CNTNAP2: variants seen among roughly 807,000 people sequenced by gnomAD.
CNTNAP2 encodes the protein contactin associated protein 2, also known as contactin-associated protein-like 2.
A neutral mutation model predicts 155.2 loss-of-function variants in CNTNAP2; 98 were observed. The observed-to-expected ratio is 0.63, with a 90% confidence interval of 0.54 to 0.75. The LOEUF (loss-of-function observed/expected upper bound fraction) is 0.75. CNTNAP2 is among the 30% of genes least tolerant of loss of function. The pLI is 0.00. For synonymous variants in CNTNAP2, 651 were observed against 631.2 expected, an observed-to-expected ratio of 1.03 and a Z score of -0.47; for missense variants, 1,727 against 1,688.1, an observed-to-expected ratio of 1.02 and a Z score of -0.40.
At chr7:146,289,925 C>A (rs1439495571) in intron 1 of CNTNAP2, among the ~76,000 whole-genome samples, 4 of 152,078 alleles carry the variant, frequency 2.6e-5, no homozygotes, top group African/African-American at 9.7e-5. Flanking sequence ...GCTAATACGA[C>A]CACTTTTCTC....
At chr7:146,525,911 A>G (rs1797685529) in intron 1 of CNTNAP2, among the ~76,000 whole-genome samples, 1 of 152,162 alleles carries the variant, frequency 6.6e-6, no homozygotes, top group African/African-American at 2.4e-5. Flanking sequence ...CCCATGCTGT[A>G]TCTGCTTATG....
chr7:147,912,611 A>G (rs1449752542), intron 14 of CNTNAP2, among the ~76,000 whole-genome samples: 2 of 152,050 alleles, frequency 1.3e-5, no homozygotes, highest in Non-Finnish European at 1.5e-5. Context: ...TGAAATAGCC[A>G]CTCTTCAAAT....
intron 13 of CNTNAP2, among the ~76,000 whole-genome samples, chr7:147,646,589 T>C (rs1795367871): frequency 6.6e-6 from 1 of 151,576 alleles, no homozygotes; most frequent in Admixed American, 6.6e-5. Flanking sequence ...ATGTACCAAT[T>C]TTTTTTTTCC....
At chr7:148,228,123 T>C (rs925139390) in intron 19 of CNTNAP2, among the ~76,000 whole-genome samples, 15 of 152,168 alleles carry the variant, frequency 9.9e-5, no homozygotes, top group Non-Finnish European at 2.2e-4. Context: ...TGACAAATAA[T>C]CCATTAGGTG....
chr7:147,290,662 G>A (rs1263830856), intron 8 of CNTNAP2, among the ~76,000 whole-genome samples: 2 of 126,762 alleles, frequency 1.6e-5, no homozygotes, highest in African/African-American at 6.1e-5. Context: ...CAGCCTCAGT[G>A]ACAGAGTGAG....
intron 1 of CNTNAP2, among the ~76,000 whole-genome samples, chr7:146,728,595 C>A: frequency 7.1e-6 from 1 of 141,154 alleles, no homozygotes. Flanking sequence ...ATTTAATATA[C>A]ACAATTTTTA....
At chr7:147,528,571 A>C (rs552098461) in intron 11 of CNTNAP2, among the ~76,000 whole-genome samples, 4 of 152,318 alleles carry the variant, frequency 2.6e-5, no homozygotes, top group East Asian at 3.9e-4. Context: ...ATGTGTGCTC[A>C]CACACAGACT....
rs1333130575 is a variant in CNTNAP2 at position 146,948,070 on chromosome 7, G to A, written c.403-95837G>A. Among the ~76,000 whole-genome samples the A allele has an allele frequency of 3.3e-5, 5 of 151,968 alleles. No individual in the cohort carries two copies. In the East Asian group the frequency reaches 9.6e-4, roughly 29 times the overall value. On this transcript the variant is annotated intron_variant, in intron 3 of 23. Transcript: ENST00000361727. ...GTGTATTTTGTCAAATGAGCAAAAG[G>A]TACATTTGAATGAAGGTATTCATAT...
At chr7:146,244,873 C>T (rs1047874915) in intron 1 of CNTNAP2, among the ~76,000 whole-genome samples, 13 of 152,064 alleles carry the variant, frequency 8.5e-5, no homozygotes, top group African/African-American at 1.2e-4. Context: ...TTATCTGACT[C>T]GGGGCATGTT....
chr7:146,845,895 G>A (rs10500165), intron 3 of CNTNAP2, among the ~76,000 whole-genome samples: 5,425 of 152,224 alleles, frequency 0.036, 124 homozygotes, highest in Middle Eastern at 0.068. Flanking sequence ...TGTCCAATGA[G>A]CCATTTAAGG....
chr7:148,160,468 G>A (rs978220702), intron 17 of CNTNAP2, among the ~76,000 whole-genome samples: 2 of 151,272 alleles, frequency 1.3e-5, no homozygotes, highest in Admixed American at 1.3e-4. Flanking sequence ...TAGCCTTCTT[G>A]TTGTTGCTAA....
intron 15 of CNTNAP2, among the ~76,000 whole-genome samples, chr7:148,044,965 G>A (rs1316080708): frequency 1.3e-5 from 2 of 152,112 alleles, no homozygotes; most frequent in African/African-American, 4.8e-5. Context: ...GTGCTGAGAT[G>A]ACAGGCGGGA....
chr7:146,727,227 C>T (rs969218132), intron 1 of CNTNAP2, among the ~76,000 whole-genome samples: 3 of 152,038 alleles, frequency 2.0e-5, no homozygotes, highest in Non-Finnish European at 4.4e-5. Context: ...TACACAGTGT[C>T]CTTTGCATTG....
At chr7:146,690,210 C>A (rs1009126730) in intron 1 of CNTNAP2, among the ~76,000 whole-genome samples, 2 of 152,104 alleles carry the variant, frequency 1.3e-5, no homozygotes, top group Non-Finnish European at 2.9e-5. Context: ...CCACAGCGTA[C>A]TAACCATAAT....
At chr7:146,375,623 G>A (rs1795293857) in intron 1 of CNTNAP2, among the ~76,000 whole-genome samples, 1 of 152,128 alleles carries the variant, frequency 6.6e-6, no homozygotes, top group Non-Finnish European at 1.5e-5. Context: ...GTTTCTTATG[G>A]CAAATTTTGT....
intron 1 of CNTNAP2, among the ~76,000 whole-genome samples, chr7:146,118,231 T>A (rs1453455709): frequency 6.6e-6 from 1 of 152,192 alleles, no homozygotes; most frequent in Non-Finnish European, 1.5e-5. Context: ...GTATTAGCTT[T>A]TCTTTTCCCA....
chr7:147,967,750 T>A (rs1016244767), intron 14 of CNTNAP2, among the ~76,000 whole-genome samples: 1 of 152,224 alleles, frequency 6.6e-6, no homozygotes, highest in Non-Finnish European at 1.5e-5. Flanking sequence ...TTGGCCCAGA[T>A]AAACTAACCA....
At chr7:147,670,289 T>C (rs1395280705) in intron 13 of CNTNAP2, among the ~76,000 whole-genome samples, 1 of 152,144 alleles carries the variant, frequency 6.6e-6, no homozygotes, top group Admixed American at 6.5e-5. Flanking sequence ...CTGAGGTCCG[T>C]GTTCCAATTC....
intron 10 of CNTNAP2, among the ~76,000 whole-genome samples, chr7:147,481,783 C>T (rs371613894): frequency 2.1e-4 from 32 of 152,222 alleles, no homozygotes; most frequent in African/African-American, 7.7e-4. Flanking sequence ...TTCCTGATCC[C>T]GGTCAAGTCA....
Sources: gnomAD v4.1 joint callset for allele counts (sites outside exome capture counted in the v4.1 genomes callset) on GRCh38, gnomAD v4.1.1 for gene constraint, MANE v1.5 for transcripts, NCBI Gene and HGNC (gene_info 2026-07-23, HGNC 2026-07-21) for gene names.